Variants in RAMP3 observed in about 807,000 individuals in gnomAD.
The protein encoded by RAMP3 is receptor activity-modifying protein 3.
In RAMP3, 14 loss-of-function variants were observed where a neutral mutation model predicts 13.5. The ratio of observed to expected loss-of-function variants is 1.04; its 90% CI spans 0.69 to 1.63. The LOEUF is 1.63. RAMP3 is among the 40% of genes most tolerant of loss of function. The pLI is 0.00. For missense variants in RAMP3, 200 were observed against 204.8 expected (o/e 0.98, Z 0.14); for synonymous variants, 106 against 88.3 (o/e 1.20, Z -1.12).
At chr7:45,177,626 C>A (rs892172023) in intron 2 of RAMP3, among the ~76,000 whole-genome samples, 185 bp downstream of exon 2, 8 of 152,152 alleles carry the variant, frequency 5.3e-5, no homozygotes, top group Non-Finnish European at 4.4e-5. Context: ...GCCCCAACCA[C>A]GCTCCTATTC....
At chr7:45,160,247 G>A (rs1357098854) in intron 1 of RAMP3, among the ~76,000 whole-genome samples, 1 of 143,060 alleles carries the variant, frequency 7.0e-6, no homozygotes, top group African/African-American at 2.6e-5. Context: ...CAGAGGAATC[G>A]CTTGAACCTG....
rs1046290 is a variant in RAMP3, at chr7:45,183,479, G to T, written c.*67G>T. 0.026 allele frequency: 40,932 copies of T among 1,580,270 alleles called. 589 individuals carry two copies. The highest frequency in any genetic ancestry group is 0.03 in the Non-Finnish European group (35,261 of 1,165,046). ...AAGAAAGTTCCCTGGGGATGGGAGA[G>T]CGGGTGGGTGCTGCCAATCTCCAGC... On this transcript the variant is annotated 3_prime_UTR_variant, in exon 3 of 3. Transcript: ENST00000242249.
At chr7:45,170,939 TA>T (rs898565219) in intron 1 of RAMP3, among the ~76,000 whole-genome samples, 2 of 151,986 alleles carry the variant, frequency 1.3e-5, no homozygotes, top group Non-Finnish European at 2.9e-5. Context: ...TTTTTTTTTT[TA>T]ATATAAGTTT....
chr7:45,184,197 CT>C lies in RAMP3; in HGVS notation c.*786del. 1 of 398,714 alleles carries C rather than the reference CT, an allele frequency of 2.5e-6. No individual in the cohort carries two copies. Among genetic ancestry groups the C allele is most frequent in the Non-Finnish European group, 4.4e-6 (1 of 226,162 alleles). The allele number at this position is 398,714 out of a possible 1,614,324, so 24.7% of individuals were successfully genotyped here. A position where few individuals can be genotyped will look rare whatever the true frequency, so the allele number is the denominator to read the frequency against. On this transcript the variant is annotated 3_prime_UTR_variant, in exon 3 of 3. Transcript: ENST00000242249. ...GAATGGCATCCCATGAGCTTGTGGC[CT>C]CTATCTGCTACCATCTGTGTTTTAT... is the stretch of plus-strand genomic sequence containing the variant.
intron 2 of RAMP3, among the ~76,000 whole-genome samples, 195 bp from the exon 3 acceptor site, chr7:45,182,962 G>A (rs955397707): frequency 1.3e-5 from 2 of 152,156 alleles, no homozygotes; most frequent in African/African-American, 2.4e-5. Context: ...GCAAATGTGG[G>A]CAGGGGACAC....
intron 1 of RAMP3, chr7:45,163,195 T>G (rs1251620052): frequency 6.1e-6 from 6 of 985,318 alleles, no homozygotes; most frequent in Non-Finnish European, 7.2e-6. Context: ...TGCAGTTGAC[T>G]CTGCTGGGTC....
intron 1 of RAMP3, among the ~76,000 whole-genome samples, chr7:45,173,792 C>T (rs995787456): frequency 6.6e-6 from 1 of 152,232 alleles, no homozygotes; most frequent in Non-Finnish European, 1.5e-5. Context: ...CCTGCTTTCC[C>T]TTGGGGACTG....
At chr7:45,158,667 T>TG (rs35348671) in intron 1 of RAMP3, among the ~76,000 whole-genome samples, 328 of 152,036 alleles carry the variant, frequency 2.2e-3, no homozygotes, top group African/African-American at 7.4e-3. Flanking sequence ...TGGCCAGTTC[T>TG]GGGGGGGACA....
At chr7:45,177,485 C>T in intron 2 of RAMP3, 44 bp downstream of exon 2, 1 of 1,610,238 alleles carries the variant, frequency 6.2e-7, no homozygotes, top group Non-Finnish European at 8.5e-7. Context: ...GACCACAGCG[C>T]TGCCCACTGC....
chr7:45,170,423 T>G (rs999101431), intron 1 of RAMP3, among the ~76,000 whole-genome samples: 2 of 152,112 alleles, frequency 1.3e-5, no homozygotes, highest in Non-Finnish European at 2.9e-5. Context: ...CTGCAACCTC[T>G]GCCTCCTGGG....
chr7:45,178,123 A>G (rs999349588), intron 2 of RAMP3, among the ~76,000 whole-genome samples: 2 of 152,038 alleles, frequency 1.3e-5, no homozygotes, highest in Admixed American at 6.5e-5. Flanking sequence ...CTGGGTGGAC[A>G]TTGTCATGTG....
intron 1 of RAMP3, chr7:45,163,197 T>A (rs1198632696): frequency 1.0e-6 from 1 of 985,346 alleles, no homozygotes. Flanking sequence ...CAGTTGACTC[T>A]GCTGGGTCTG....
Position 45,184,144 on chromosome 7 carries a change from G to A in RAMP3, c.*732G>A. 2.5e-6 allele frequency: 1 copy of A among 398,918 alleles called. No homozygotes were observed. 24.7% of individuals were successfully genotyped at this position (398,918 alleles called of 1,614,324 possible). On this transcript the variant is annotated 3_prime_UTR_variant, in exon 3 of 3. Transcript: ENST00000242249. ...GGGGCCTGGGCCTCCTTCCTACAGG[G>A]GCTCCTCTGTGGGTGAGGGGCCCTC...
At chr7:45,171,900 G>T (rs1362026126) in intron 1 of RAMP3, among the ~76,000 whole-genome samples, 3 of 152,244 alleles carry the variant, frequency 2.0e-5, no homozygotes, top group Non-Finnish European at 4.4e-5. Context: ...GGCAGGACCT[G>T]GCACTGTATT....
chr7:45,183,304 C>T lies in RAMP3; in HGVS notation c.339C>T (p.Asp113=), dbSNP rs774954157. ...CCGTGGACAGGGTCCACTTGGAGGA[C>T]CCCCCAGACGAGGTTCTCATCCCGC... ...NCTVDRVHLE[D]PPDEVLIPLI... Residue 113 remains aspartate, a synonymous_variant, in exon 3 of 3, where the codon GAC becomes GAT. Transcript: ENST00000242249. 8.7e-6 allele frequency: 14 copies of T among 1,613,884 alleles called. No individual in the cohort carries two copies. Among genetic ancestry groups the T allele is most frequent in the East Asian group, 2.2e-5 (1 of 44,872 alleles).
chr7:45,167,571 T>C, intron 1 of RAMP3, among the ~76,000 whole-genome samples: 1 of 150,660 alleles, frequency 6.6e-6, no homozygotes, highest in East Asian at 1.9e-4. Flanking sequence ...TTTTTTTTTT[T>C]TTTATTTTTG....
chr7:45,157,813 C>T lies in RAMP3; in HGVS notation c.-16C>T, dbSNP rs1375161124. On this transcript the variant is annotated 5_prime_UTR_variant, in exon 1 of 3. Coordinates refer to ENST00000242249, the MANE Select transcript of RAMP3 (RefSeq NM_005856.3). ...CCCAGCGGGACCGAGCGTGACCCAG[C>T]TGCGGCCGGCCAGCCATGGAGACTG... 1 of 1,442,982 alleles carries T rather than the reference C, an allele frequency of 6.9e-7. No individual in the cohort carries two copies. Among genetic ancestry groups the T allele is most frequent in the African/African-American group, 1.5e-5 (1 of 67,158 alleles). 89.4% of individuals were successfully genotyped at this position (1,442,982 alleles called of 1,614,324 possible).
Position 45,183,539 on chromosome 7 carries a change from C to A in RAMP3, c.*127C>A, listed in dbSNP as rs1364916113. 2.9e-6 allele frequency: 4 copies of A among 1,380,232 alleles called. No homozygotes were observed. The African/African-American group carries it at 5.7e-5, about 20-fold the overall frequency. 85.5% of individuals were successfully genotyped at this position (1,380,232 alleles called of 1,614,324 possible). On this transcript the variant is annotated 3_prime_UTR_variant, in exon 3 of 3. Transcript: ENST00000242249. ...CACACCCCACCTGGTCATGGGCAGA[C>A]CCCTCCCTTCCTGGGCTGACCTGCT...
intron 1 of RAMP3, among the ~76,000 whole-genome samples, chr7:45,167,558 CT>C (rs373727786): frequency 0.048 from 6,735 of 139,346 alleles, 164 homozygotes; most frequent in African/African-American, 0.1. Flanking sequence ...CAACTTTGTT[CT>C]TTTTTTTTTT....
Sources: gnomAD v4.1 joint callset for allele counts (sites outside exome capture counted in the v4.1 genomes callset) on GRCh38, gnomAD v4.1.1 for gene constraint, MANE v1.5 for transcripts, NCBI Gene and HGNC (gene_info 2026-07-23, HGNC 2026-07-21) for gene names.